Variants in CARD8 observed in about 807,000 individuals in gnomAD.
The protein encoded by CARD8 is caspase recruitment domain family member 8, also known as caspase recruitment domain-containing protein 8.
CARD8 carries 38 observed loss-of-function variants against 53.2 expected under a neutral mutation model. The ratio of observed to expected loss-of-function variants is 0.71; its 90% CI spans 0.55 to 0.94. The LOEUF is 0.94. Ranked by LOEUF, CARD8 falls within the 40% of genes least tolerant of loss-of-function variation. The pLI, the probability that CARD8 is intolerant of heterozygous loss-of-function variation, is 0.00. For synonymous variants in CARD8, 245 were observed against 244.9 expected, an observed-to-expected ratio of 1.00 and a Z score of 0.00; for missense variants, 561 against 655.5, an observed-to-expected ratio of 0.86 and a Z score of 1.57.
chr19:48,240,853 C>A (rs1331541788), intron 4 of CARD8, 109 bp downstream of exon 4: 1 of 896,524 alleles, frequency 1.1e-6, no homozygotes, highest in South Asian at 1.5e-5. Flanking sequence ...AAAATGTGAG[C>A]AGAACCTTTC....
chr19:48,233,634 G>T (rs2043320877), intron 6 of CARD8: 1 of 308,912 alleles, frequency 3.2e-6, no homozygotes, highest in African/African-American at 2.2e-5. Context: ...GCCTGCTGAG[G>T]AGGGGTTTAG....
intron 1 of CARD8, among the ~76,000 whole-genome samples, chr19:48,250,174 A>G (rs1298864917): frequency 6.6e-6 from 1 of 152,138 alleles, no homozygotes; most frequent in Non-Finnish European, 1.5e-5. Flanking sequence ...TTTATTTGGG[A>G]ATAGAGCATT....
chr19:48,237,275 G>A (rs1051145012), intron 5 of CARD8, among the ~76,000 whole-genome samples: 2 of 151,928 alleles, frequency 1.3e-5, no homozygotes, highest in African/African-American at 4.8e-5. Flanking sequence ...ATGTCAGCAG[G>A]AGCAAGACAG....
At chr19:48,240,238 AAC>A (rs2044718622) in intron 4 of CARD8, among the ~76,000 whole-genome samples, 1 of 152,328 alleles carries the variant, frequency 6.6e-6, no homozygotes, top group South Asian at 2.1e-4. Context: ...GAGCCACTGA[AAC>A]ACACAGAGGG....
intron 10 of CARD8, among the ~76,000 whole-genome samples, chr19:48,228,532 G>T (rs986164853): frequency 3.3e-5 from 5 of 152,174 alleles, no homozygotes; most frequent in Admixed American, 1.3e-4. Context: ...GGGTGGCAAG[G>T]TCATCCACAC....
chr19:48,224,291 C>A (rs112574508), intron 10 of CARD8, among the ~76,000 whole-genome samples: 9 of 152,010 alleles, frequency 5.9e-5, no homozygotes, highest in African/African-American at 1.9e-4. Context: ...TTAAAAACAG[C>A]AAAGAGAGGC....
At chr19:48,242,249 C>T (rs1458306710) in intron 3 of CARD8, among the ~76,000 whole-genome samples, 8 of 152,234 alleles carry the variant, frequency 5.3e-5, no homozygotes, top group South Asian at 2.1e-4. Flanking sequence ...CCAGAGACCT[C>T]GCTCCCGCTT....
chr19:48,206,103 G>A (rs2037334672), downstream of CARD8, among the ~76,000 whole-genome samples: 1 of 151,980 alleles, frequency 6.6e-6, no homozygotes, highest in African/African-American at 2.4e-5. Context: ...TCACCACGTT[G>A]GCCAGGCTGG....
In CARD8 at chr19:48,226,343, C is replaced by G. The variant is rs544238925; in HGVS notation, c.1035+4095G>C. On this transcript the variant is annotated intron_variant, in intron 10 of 13. Transcript: ENST00000651546. The stretch of plus-strand genomic sequence containing the variant: ...GGTTCAAGCAATTCTCATGCCTCCA[C>G]CTCCCAAGTAGCTGGGATTACAGGC... Among the ~76,000 whole-genome samples, 7 of 152,286 alleles carry G rather than the reference C, an allele frequency of 4.6e-5. No homozygotes were observed. In the East Asian group the frequency reaches 1.4e-3, roughly 29 times the overall value.
At chr19:48,241,235 G>A (rs373611351) in intron 3 of CARD8, among the ~76,000 whole-genome samples, 172 bp from the exon 4 acceptor site, 1 of 152,066 alleles carries the variant, frequency 6.6e-6, no homozygotes, top group East Asian at 1.9e-4. Flanking sequence ...GCCGAAACAG[G>A]AGAGTTGTAA....
At chr19:48,242,172 C>CG (rs1215306615) in intron 3 of CARD8, among the ~76,000 whole-genome samples, 2 of 152,210 alleles carry the variant, frequency 1.3e-5, no homozygotes. Context: ...ATGGGGCCTT[C>CG]GGGAGGTGAT....
At chr19:48,207,742 T>TTTC (rs1555790197), downstream of CARD8, among the ~76,000 whole-genome samples, 13 of 132,458 alleles carry the variant, frequency 9.8e-5, no homozygotes, top group South Asian at 7.5e-4. Flanking sequence ...CTGTTTTTTT[T>TTTC]TTTTTTTTTT....
At chr19:48,254,799 G>A (rs1031424184) in intron 1 of CARD8, among the ~76,000 whole-genome samples, 1 of 152,172 alleles carries the variant, frequency 6.6e-6, no homozygotes, top group Non-Finnish European at 1.5e-5. Flanking sequence ...ATCCTTGCAT[G>A]CCTGAAGATG....
chr19:48,241,167 T>C (rs1396194791), intron 3 of CARD8, 104 bp from the exon 4 acceptor site: 5 of 655,800 alleles, frequency 7.6e-6, no homozygotes, highest in Middle Eastern at 3.7e-4. Context: ...TTATTGCTCA[T>C]TCACAAGAGA....
At chr19:48,220,753 A>C (rs1043512649) in intron 11 of CARD8, among the ~76,000 whole-genome samples, 1 of 152,000 alleles carries the variant, frequency 6.6e-6, no homozygotes, top group African/African-American at 2.4e-5. Context: ...CTCTACTAAA[A>C]ATAAAAAATC....
intron 13 of CARD8, chr19:48,212,958 TC>T (rs796205828): frequency 2.3e-4 from 35 of 152,362 alleles, no homozygotes; most frequent in African/African-American, 8.2e-4. Flanking sequence ...CTCTCTTTTT[TC>T]TCCCAGTGGT....
At chr19:48,207,734 G>GTTTTTTTTTTTTTTGTTTTTTTTTTT (rs1599964939), downstream of CARD8, among the ~76,000 whole-genome samples, 2 of 116,550 alleles carry the variant, frequency 1.7e-5, no homozygotes, top group African/African-American at 7.4e-5. Context: ...TTGTTTTTCT[G>GTTTTTTTTTTTTTTGTTTTTTTTTTT]TTTTTTTTTT....
At chr19:48,237,547 A>G (rs1336406180) in intron 5 of CARD8, among the ~76,000 whole-genome samples, 1 of 152,096 alleles carries the variant, frequency 6.6e-6, no homozygotes, top group Non-Finnish European at 1.5e-5. Flanking sequence ...CTGTAATCCC[A>G]GCACTTTGGG....
intron 1 of CARD8, among the ~76,000 whole-genome samples, chr19:48,252,155 T>C (rs2047009974): frequency 1.3e-5 from 2 of 152,178 alleles, no homozygotes; most frequent in Non-Finnish European, 2.9e-5. Context: ...GAGCATTCAA[T>C]GGCTGATCTC....
Sources: gnomAD v4.1 joint callset for allele counts (sites outside exome capture counted in the v4.1 genomes callset) on GRCh38, gnomAD v4.1.1 for gene constraint, MANE v1.5 for transcripts, NCBI Gene and HGNC (gene_info 2026-07-23, HGNC 2026-07-21) for gene names.